The following KLHDC10 variants were observed in gnomAD, a reference collection of about 807,000 sequenced individuals.
KLHDC10 encodes kelch domain-containing protein 10.
A neutral mutation model predicts 56.1 loss-of-function variants in KLHDC10; 24 were observed. The ratio of observed to expected loss-of-function variants is 0.43; its 90% confidence interval spans 0.31 to 0.60. KLHDC10 has a LOEUF of 0.60. Ranked by LOEUF, KLHDC10 falls within the 20% of genes least tolerant of loss-of-function variation. The pLI is 0.11. For missense variants in KLHDC10, 349 were observed against 567.0 expected, an observed-to-expected ratio of 0.62 and a Z score of 3.91; for synonymous variants, 188 against 207.1, an observed-to-expected ratio of 0.91 and a Z score of 0.79.
chr7:130,129,973 G>A (rs1796374169), intron 9 of KLHDC10, among the ~76,000 whole-genome samples: 1 of 152,062 alleles, frequency 6.6e-6, no homozygotes, highest in Admixed American at 6.6e-5. Context: ...TATAGGTTTA[G>A]TTTAATGTTA....
chr7:130,070,752 CG>C lies in KLHDC10; in HGVS notation c.114del (p.Thr39LeufsTer38). 1 of 467,694 alleles carries C rather than the reference CG, an allele frequency of 2.1e-6. No homozygotes were observed. Among genetic ancestry groups the C allele is most frequent in the Non-Finnish European group, 3.4e-6 (1 of 290,458 alleles). 29.0% of individuals were successfully genotyped at this position (467,694 alleles called of 1,614,324 possible). A position where few individuals can be genotyped will look rare whatever the true frequency, so the allele number is the denominator to read the frequency against. ...AGGGSGGSGG[R>X]GTGQLNRFVQ... ...CGGGGGCAGTGGGGGCAGCGGGGGT[CG>C]GGGGACTGGCCAGCTCAACCGCTTC... On this transcript the variant is annotated frameshift_variant, in exon 1 of 10. Coordinates refer to ENST00000335420, the MANE Select transcript of KLHDC10 (RefSeq NM_014997.4). LOFTEE classifies it high-confidence loss of function.
At chr7:130,077,868 T>C (rs138365213) in intron 1 of KLHDC10, among the ~76,000 whole-genome samples, 1,694 of 152,116 alleles carry the variant, frequency 0.011, 16 homozygotes, top group South Asian at 0.033. Context: ...GTTTCTACTT[T>C]CTTTTATAAC....
intron 2 of KLHDC10, among the ~76,000 whole-genome samples, chr7:130,112,116 C>G (rs1796109137): frequency 6.6e-6 from 1 of 152,108 alleles, no homozygotes; most frequent in African/African-American, 2.4e-5. Context: ...TCCAGAAATT[C>G]TCATACATTT....
intron 1 of KLHDC10, among the ~76,000 whole-genome samples, chr7:130,078,667 T>C (rs1029428481): frequency 2.6e-5 from 4 of 151,962 alleles, no homozygotes; most frequent in Non-Finnish European, 4.4e-5. Context: ...GACAGGCGCG[T>C]GCCACTACAC....
At chr7:130,117,871 A>G (rs930924595) in intron 3 of KLHDC10, among the ~76,000 whole-genome samples, 16 of 140,752 alleles carry the variant, frequency 1.1e-4, no homozygotes, top group South Asian at 7.1e-4. Flanking sequence ...AAAAAAAAAA[A>G]AAAGAAAAAG....
At chr7:130,109,036 T>G (rs1334104940) in intron 2 of KLHDC10, among the ~76,000 whole-genome samples, 1 of 151,982 alleles carries the variant, frequency 6.6e-6, no homozygotes, top group Non-Finnish European at 1.5e-5. Flanking sequence ...CGCCTCAGCC[T>G]CCTGAGTAGC....
intron 1 of KLHDC10, among the ~76,000 whole-genome samples, chr7:130,085,488 C>T (rs1795674741): frequency 1.3e-5 from 2 of 151,676 alleles, no homozygotes. Flanking sequence ...AAACATGTTT[C>T]AAGAAGGAGG....
chr7:130,102,993 T>C (rs117719561), intron 2 of KLHDC10, among the ~76,000 whole-genome samples: 19 of 152,238 alleles, frequency 1.2e-4, no homozygotes, highest in Non-Finnish European at 2.2e-4. Flanking sequence ...AGAGGAAATT[T>C]GCAGACTATA....
At chr7:130,107,843 C>CAAAA (rs3043725) in intron 2 of KLHDC10, among the ~76,000 whole-genome samples, 1,984 of 25,890 alleles carry the variant, frequency 0.077, 353 homozygotes, top group African/African-American at 0.14. Flanking sequence ...GACTCCGTCT[C>CAAAA]AAAAAAAAAA....
chr7:130,119,869 C>G (rs1462634521), intron 3 of KLHDC10, among the ~76,000 whole-genome samples: 4 of 141,192 alleles, frequency 2.8e-5, no homozygotes, highest in African/African-American at 1.1e-4. Flanking sequence ...AAAAAAGCCA[C>G]TGAAATAACA....
intron 1 of KLHDC10, 35 bp from the exon 2 acceptor site, chr7:130,096,886 T>C (rs1358089039): frequency 6.9e-6 from 10 of 1,442,336 alleles, no homozygotes; most frequent in Non-Finnish European, 7.8e-6. Context: ...ATGTGTTGTA[T>C]GTGTCTGACT....
intron 6 of KLHDC10, 137 bp from the exon 7 acceptor site, chr7:130,125,728 C>T (rs1796306895): frequency 3.0e-6 from 2 of 661,632 alleles, no homozygotes; most frequent in Admixed American, 3.3e-5. Flanking sequence ...TGGAAAATCA[C>T]TGTACCTTCT....
At chr7:130,094,256 A>C (rs1320488223) in intron 1 of KLHDC10, among the ~76,000 whole-genome samples, 5 of 152,118 alleles carry the variant, frequency 3.3e-5, no homozygotes, top group African/African-American at 1.2e-4. Context: ...TTATTCCCTC[A>C]GTGTTACTCC....
Position 130,130,343 on chromosome 7 carries a change from T to TAC in KLHDC10, c.1120-193_1120-192insCA, listed in dbSNP as rs1796383432. Among the ~76,000 whole-genome samples the TAC allele has an allele frequency of 6.7e-6, 1 of 148,744 alleles. No homozygotes were observed. The highest frequency in any genetic ancestry group is 2.5e-5 in the African/African-American group (1 of 40,250). The stretch of plus-strand genomic sequence containing the variant: ...TCTCAAAAAAAAAAAAAATCATATA[T>TAC]ATATATATATAGTTTTTCCCTTAGT... On this transcript the variant is annotated intron_variant, in intron 9 of 9. Coordinates refer to ENST00000335420, the MANE Select transcript of KLHDC10 (RefSeq NM_014997.4). The surrounding 1 kb of genome is among the most constrained non-coding windows in gnomAD (Gnocchi z 4.2).
intron 1 of KLHDC10, among the ~76,000 whole-genome samples, chr7:130,093,717 C>CT (rs1374636992): frequency 5.9e-5 from 9 of 152,074 alleles, no homozygotes; most frequent in African/African-American, 1.9e-4. Flanking sequence ...GCTGGTTTCT[C>CT]TTTTTTCTGC....
chr7:130,130,720 C>A lies in KLHDC10; in HGVS notation c.1303C>A (p.Gln435Lys). 1 of 1,614,164 alleles carries A rather than the reference C, an allele frequency of 6.2e-7. No homozygotes were observed. Among genetic ancestry groups the A allele is most frequent in the Non-Finnish European group, 8.5e-7 (1 of 1,180,002 alleles). The change falls in exon 10 of 10, where the codon CAG becomes AAG. Residue 435 changes from glutamine to lysine, a missense_variant. By Grantham distance (53) the Gln-to-Lys change is moderately conservative. Coordinates refer to ENST00000335420, the MANE Select transcript of KLHDC10 (RefSeq NM_014997.4). The surrounding 1 kb of genome is among the most constrained non-coding windows in gnomAD (Gnocchi z 4.2). The stretch of plus-strand genomic sequence containing the variant: ...ACAACTTCTGCACCTTGGACTCACA[C>A]AGGGACTCATCGAACGCTTGAAATG... ...RTQLLHLGLT[Q>K]GLIERLK
intron 1 of KLHDC10, among the ~76,000 whole-genome samples, chr7:130,077,273 G>A (rs1795518276): frequency 7.9e-6 from 1 of 127,302 alleles, no homozygotes. Context: ...GAGAATTGTT[G>A]AACCTGGGAG....
intron 1 of KLHDC10, among the ~76,000 whole-genome samples, chr7:130,094,388 T>C (rs1325540731): frequency 2.0e-5 from 3 of 152,198 alleles, no homozygotes; most frequent in African/African-American, 7.2e-5. Context: ...TATGTTTCTT[T>C]CCAGTATTTT....
chr7:130,101,322 C>G (rs1199816204), intron 2 of KLHDC10, among the ~76,000 whole-genome samples: 1 of 152,106 alleles, frequency 6.6e-6, no homozygotes, highest in African/African-American at 2.4e-5. Context: ...TACCAGAAAA[C>G]AATTGGAATT....
Sources: gnomAD v4.1 joint callset for allele counts (sites outside exome capture counted in the v4.1 genomes callset) on GRCh38, gnomAD v4.1.1 for gene constraint, Gnocchi (gnomAD v3.1) non-coding constraint, MANE v1.5 for transcripts, NCBI Gene and HGNC (gene_info 2026-07-23, HGNC 2026-07-21) for gene names.